The following RBFOX1 variants were observed in gnomAD, a reference collection of about 807,000 sequenced individuals.
RBFOX1 encodes RNA binding protein fox-1 homolog 1.
Under a neutral mutation model 57.7 loss-of-function variants are expected in RBFOX1, and 8 were observed. That is an observed-to-expected ratio of 0.14 (90% CI 0.08 to 0.25). The LOEUF is 0.25. RBFOX1 is among the 10% of genes least tolerant of loss of function. The pLI is 1.00. For synonymous variants in RBFOX1, 326 were observed against 222.4 expected (o/e 1.47, Z -4.15); for missense variants, 611 against 548.5 (o/e 1.11, Z -1.14).
At chr16:7,031,404 T>C (rs1361901413) in intron 3 of RBFOX1, among the ~76,000 whole-genome samples, 4 of 152,078 alleles carry the variant, frequency 2.6e-5, no homozygotes, top group Non-Finnish European at 5.9e-5. Flanking sequence ...AAGACCAGCC[T>C]GGCTAACATG....
intron 1 of RBFOX1, among the ~76,000 whole-genome samples, chr16:6,260,128 C>T (rs746823517): frequency 1.6e-4 from 25 of 152,212 alleles, no homozygotes; most frequent in Admixed American, 4.6e-4. Flanking sequence ...CCTAGATAGC[C>T]ATTGCCTCTA....
chr16:7,409,914 G>A lies in RBFOX1; in HGVS notation c.28-108233G>A, dbSNP rs546655237. 3.3e-5 allele frequency among the ~76,000 whole-genome samples: 5 copies of A among 152,302 alleles called. No individual in the cohort carries two copies. The East Asian group carries it at 9.7e-4, about 29-fold the overall frequency. The stretch of plus-strand genomic sequence containing the variant: ...TCCGGCAATGTCTTAAATGAGGGGA[G>A]GGGTCTTATCGAGGAGGCTGTGCCT... On this transcript the variant is annotated intron_variant, in intron 4 of 15. Coordinates refer to ENST00000550418, the MANE Select transcript of RBFOX1 (RefSeq NM_018723.4).
At chr16:6,972,725 A>G (rs959934238) in intron 3 of RBFOX1, among the ~76,000 whole-genome samples, 2 of 152,136 alleles carry the variant, frequency 1.3e-5, no homozygotes, top group Admixed American at 1.3e-4. Context: ...TCTCATGCGA[A>G]AGTATAAGTG....
At position 7,118,354 on chromosome 16, in the gene RBFOX1, T is replaced by G. The variant is rs113954249; in HGVS notation, c.27+66256T>G. Among the ~76,000 whole-genome samples the G allele has an allele frequency of 6.0e-3, 909 of 152,228 alleles. 16 individuals are homozygous for G. Among genetic ancestry groups the G allele is most frequent in the African/African-American group, 0.021 (859 of 41,522 alleles). ...CTGATGATTAGTGATAAGCATTTTT[T>G]TCATGTTTCTTGGCCATTTGTTGGC... On this transcript the variant is annotated intron_variant, in intron 4 of 15. Coordinates refer to ENST00000550418, the MANE Select transcript of RBFOX1 (RefSeq NM_018723.4).
chr16:5,840,099 T>A (rs1367918159), intron 3 of RBFOX1, among the ~76,000 whole-genome samples: 1 of 152,188 alleles, frequency 6.6e-6, no homozygotes, highest in Non-Finnish European at 1.5e-5. Context: ...ATGAACACCC[T>A]CTTCCTCAAT....
At chr16:5,580,289 G>C (rs1188070081) in intron 2 of RBFOX1, among the ~76,000 whole-genome samples, 5 of 152,196 alleles carry the variant, frequency 3.3e-5, no homozygotes, top group Admixed American at 1.3e-4. Flanking sequence ...CGGCTGATTG[G>C]ATTCCACTCT....
intron 3 of RBFOX1, among the ~76,000 whole-genome samples, chr16:6,686,082 A>T (rs1193043151): frequency 6.6e-6 from 1 of 152,208 alleles, no homozygotes; most frequent in Non-Finnish European, 1.5e-5. Flanking sequence ...TGTGCTCAGC[A>T]CTGCATTATT....
At chr16:7,178,214 CCA>C (rs529643305) in intron 4 of RBFOX1, among the ~76,000 whole-genome samples, 179 of 152,362 alleles carry the variant, frequency 1.2e-3, no homozygotes, top group Non-Finnish European at 2.0e-3. Context: ...AAACTTTCCT[CCA>C]CACAGTGACC....
rs889011149 is a variant in RBFOX1, at chr16:7,434,503, TA to T, written c.28-83636del. 1.2e-3 allele frequency among the ~76,000 whole-genome samples: 183 copies of T among 150,802 alleles called. 1 individual carries two copies. In the Middle Eastern group the frequency reaches 0.024, roughly 20 times the overall value. ...ATAAATAAATAAATAAAAATAAAAA[TA>T]AAAAAAATCATCAGGAGATGAGGAG... On this transcript the variant is annotated intron_variant, in intron 4 of 15. Transcript: ENST00000550418.
intron 3 of RBFOX1, among the ~76,000 whole-genome samples, chr16:6,891,246 C>T (rs147855875): frequency 2.0e-5 from 3 of 152,246 alleles, no homozygotes; most frequent in East Asian, 1.9e-4. Flanking sequence ...ATCATGAATC[C>T]TGCTAGCACT....
chr16:6,046,694 C>G (rs1224591829), intron 1 of RBFOX1, among the ~76,000 whole-genome samples: 3 of 152,152 alleles, frequency 2.0e-5, no homozygotes, highest in Non-Finnish European at 4.4e-5. Flanking sequence ...TTTGGATTCT[C>G]AGATCTTAGA....
chr16:7,538,992 G>T (rs8059937), intron 5 of RBFOX1, among the ~76,000 whole-genome samples: 109,983 of 151,870 alleles, frequency 0.72, 41,292 homozygotes, highest in Middle Eastern at 0.86. Context: ...ATTCGAAAAA[G>T]GTGTGTCTCA....
At chr16:7,315,174 C>T (rs1223033948) in intron 4 of RBFOX1, among the ~76,000 whole-genome samples, 1 of 150,912 alleles carries the variant, frequency 6.6e-6, no homozygotes, top group East Asian at 1.9e-4. Flanking sequence ...GGTGATATTT[C>T]TTTCCCTATA....
At chr16:5,299,783 C>G (rs1316000673) in intron 1 of RBFOX1, among the ~76,000 whole-genome samples, 3 of 152,008 alleles carry the variant, frequency 2.0e-5, no homozygotes, top group Non-Finnish European at 4.4e-5. Flanking sequence ...ATGCATGTTT[C>G]AATTTTTTTC....
At position 7,476,312 on chromosome 16, in the gene RBFOX1, C is replaced by T. The variant is rs193056208; in HGVS notation, c.28-41835C>T. On this transcript the variant is annotated intron_variant, in intron 4 of 15. Transcript: ENST00000550418. ...GTTTGAATTCTTACCCTCACAATTA[C>T]AAGCTGTGGCCTTAATCCCTTTCCT... Among the ~76,000 whole-genome samples the T allele has an allele frequency of 2.4e-4, 36 of 152,336 alleles. No individual in the cohort carries two copies. In the South Asian group the frequency reaches 6.8e-3, roughly 29 times the overall value.
At chr16:7,497,917 G>A (rs542252650) in intron 4 of RBFOX1, among the ~76,000 whole-genome samples, 62 of 152,296 alleles carry the variant, frequency 4.1e-4, no homozygotes, top group African/African-American at 1.4e-3. Flanking sequence ...TTTCATCTTT[G>A]CAGAAAGCTG....
chr16:7,296,863 G>A (rs576208772), intron 4 of RBFOX1, among the ~76,000 whole-genome samples: 8 of 152,158 alleles, frequency 5.3e-5, no homozygotes, highest in Non-Finnish European at 7.3e-5. Flanking sequence ...GGAGTTAAGA[G>A]CCTAGCTTTG....
At chr16:7,675,009 AACACATTCATACCAC>A (rs1306691586) in intron 13 of RBFOX1, among the ~76,000 whole-genome samples, 2 of 152,190 alleles carry the variant, frequency 1.3e-5, no homozygotes, top group Admixed American at 6.5e-5. Context: ...TCCAGAGAGA[AACACATTCATACCAC>A]ACACATTCTC....
intron 3 of RBFOX1, among the ~76,000 whole-genome samples, chr16:5,762,431 C>T (rs548313179): frequency 1.3e-5 from 2 of 151,374 alleles, no homozygotes; most frequent in African/African-American, 4.9e-5. Context: ...CAGTCTCATA[C>T]CAGGCTGGTA....
Sources: allele counts gnomAD v4.1 joint callset (sites outside exome capture counted in the v4.1 genomes callset), GRCh38; gene constraint gnomAD v4.1.1; transcripts MANE v1.5; gene names NCBI Gene and HGNC (gene_info 2026-07-23, HGNC 2026-07-21).